RELN: variants seen among roughly 807,000 people sequenced by gnomAD.
RELN encodes reelin.
A neutral mutation model predicts 427.6 loss-of-function variants in RELN; 108 were observed. The ratio of observed to expected loss-of-function variants is 0.25; its 90% CI spans 0.22 to 0.30. The LOEUF is 0.30. Among genes scored for constraint, RELN ranks in the 10% least tolerant of loss-of-function variants. The pLI is 1.00. For synonymous variants in RELN, 1,524 were observed against 1,513.4 expected (o/e 1.01, Z -0.16); for missense variants, 3,715 against 4,302.8 (o/e 0.86, Z 3.82).
chr7:103,972,499 G>C (rs763821553), intron 1 of RELN, among the ~76,000 whole-genome samples: 1 of 152,186 alleles, frequency 6.6e-6, no homozygotes, highest in East Asian at 1.9e-4. Flanking sequence ...AGAGTAAATA[G>C]GTGTGGATGG....
chr7:103,683,771 A>T (rs562646135), intron 10 of RELN, among the ~76,000 whole-genome samples: 1 of 152,286 alleles, frequency 6.6e-6, no homozygotes, highest in African/African-American at 2.4e-5. Flanking sequence ...TAATAGACTG[A>T]CATATTACCA....
intron 3 of RELN, among the ~76,000 whole-genome samples, chr7:103,783,710 A>G (rs1330584735): frequency 6.6e-6 from 1 of 152,198 alleles, no homozygotes; most frequent in Non-Finnish European, 1.5e-5. Context: ...GAACATGCAG[A>G]TGAAATCCTT....
At chr7:103,875,507 C>G (rs1794457702) in intron 2 of RELN, among the ~76,000 whole-genome samples, 1 of 152,046 alleles carries the variant, frequency 6.6e-6, no homozygotes, top group South Asian at 2.1e-4. Flanking sequence ...TTTTGAAATA[C>G]TGGTCAAACA....
chr7:103,950,105 G>A (rs1796303945), intron 1 of RELN, among the ~76,000 whole-genome samples: 1 of 152,104 alleles, frequency 6.6e-6, no homozygotes, highest in African/African-American at 2.4e-5. Flanking sequence ...TTTATAGATG[G>A]GGCCTTCTCA....
chr7:103,731,507 C>T (rs1790353911), intron 6 of RELN, among the ~76,000 whole-genome samples: 1 of 152,038 alleles, frequency 6.6e-6, no homozygotes, highest in Non-Finnish European at 1.5e-5. Flanking sequence ...TTTATCTCCA[C>T]TTAGACGATG....
chr7:103,472,806 G>T lies in RELN; in HGVS notation c.*6C>A, dbSNP rs1586454871. ...TTGGAAGAAAAAAAATAAACTTTTTGATTCTTCATGGGTATCGCCTAAGTG... is the reference window on the plus strand; with the variant it reads ...TTGGAAGAAAAAAAATAAACTTTTTTATTCTTCATGGGTATCGCCTAAGTG... On this transcript the variant is annotated 3_prime_UTR_variant, in exon 65 of 65. Coordinates refer to ENST00000428762, the MANE Select transcript of RELN (RefSeq NM_005045.4). The T allele has an allele frequency of 6.2e-7, 1 of 1,607,250 alleles. No individual in the cohort carries two copies. The highest frequency in any genetic ancestry group is 2.2e-5 in the East Asian group (1 of 44,840).
chr7:103,777,147 C>T (rs892830949), intron 3 of RELN, among the ~76,000 whole-genome samples: 3 of 152,110 alleles, frequency 2.0e-5, no homozygotes, highest in African/African-American at 7.2e-5. Flanking sequence ...AATAAAATCA[C>T]ATGAAGGAGA....
rs1288897819 is a variant in RELN at position 103,472,773 on chromosome 7, A to G, written c.*39T>C. 1 of 1,450,102 alleles carries G rather than the reference A, an allele frequency of 6.9e-7. No homozygotes were observed. Among genetic ancestry groups the G allele is most frequent in the Non-Finnish European group, 9.7e-7 (1 of 1,030,946 alleles). 89.8% of individuals were successfully genotyped at this position (1,450,102 alleles called of 1,614,324 possible). A position where few individuals can be genotyped will look rare whatever the true frequency, so the allele number is the denominator to read the frequency against. ...GATTTAAAAGAATGGAGAGCAACACATCACATGTTGGAAGAAAAAAAATAA... is the reference window on the plus strand; with the variant it reads ...GATTTAAAAGAATGGAGAGCAACACGTCACATGTTGGAAGAAAAAAAATAA... On this transcript the variant is annotated 3_prime_UTR_variant, in exon 65 of 65. Transcript: ENST00000428762.
At chr7:103,571,134 T>A (rs1830873381) in intron 31 of RELN, among the ~76,000 whole-genome samples, 1 of 152,234 alleles carries the variant, frequency 6.6e-6, no homozygotes, top group Non-Finnish European at 1.5e-5. Context: ...AATGGAGAGC[T>A]GATGAACACA....
intron 3 of RELN, among the ~76,000 whole-genome samples, chr7:103,781,242 A>T (rs1249073171): frequency 1.3e-5 from 2 of 152,142 alleles, no homozygotes; most frequent in African/African-American, 4.8e-5. Context: ...TCAATATGGC[A>T]AGCCTATTTG....
In RELN at chr7:103,735,965, C is replaced by T. The variant is rs183316657; in HGVS notation, c.657-7758G>A. Among the ~76,000 whole-genome samples the T allele has an allele frequency of 5.3e-5, 8 of 152,164 alleles. No individual in the cohort carries two copies. In the East Asian group the frequency reaches 1.5e-3, roughly 29 times the overall value. Reference sequence around the variant, plus strand: ...CTGATTACTTAAAGTTCTTTAAAACCGAAAAAGGAAAAGAAAAGTTTCTTG... The same window carrying T: ...CTGATTACTTAAAGTTCTTTAAAACTGAAAAAGGAAAAGAAAAGTTTCTTG... On this transcript the variant is annotated intron_variant, in intron 6 of 64. Coordinates refer to ENST00000428762, the MANE Select transcript of RELN (RefSeq NM_005045.4).
chr7:103,819,042 G>T (rs941497650), intron 3 of RELN, among the ~76,000 whole-genome samples: 2 of 152,090 alleles, frequency 1.3e-5, no homozygotes, highest in African/African-American at 4.8e-5. Context: ...TTATCTCTGG[G>T]ATAGTGGAAA....
intron 20 of RELN, among the ~76,000 whole-genome samples, chr7:103,625,478 A>G (rs1832309209): frequency 1.3e-5 from 2 of 152,216 alleles, no homozygotes; most frequent in African/African-American, 4.8e-5. Context: ...TAGCTTCTAA[A>G]ATTCAAAAAA....
intron 8 of RELN, among the ~76,000 whole-genome samples, chr7:103,703,817 A>G (rs908223633): frequency 6.6e-6 from 1 of 152,208 alleles, no homozygotes; most frequent in Non-Finnish European, 1.5e-5. Context: ...CTATTAAGGT[A>G]TGGTCTGAGA....
At chr7:103,765,261 A>G (rs1360216641) in intron 4 of RELN, among the ~76,000 whole-genome samples, 2 of 152,234 alleles carry the variant, frequency 1.3e-5, no homozygotes, top group East Asian at 3.8e-4. Flanking sequence ...AAGGGCTCAG[A>G]GGAGATGAGA....
At chr7:103,665,878 C>G (rs1369683655) in intron 11 of RELN, among the ~76,000 whole-genome samples, 1 of 140,376 alleles carries the variant, frequency 7.1e-6, no homozygotes, top group Non-Finnish European at 1.6e-5. Context: ...CTCCGTGTCT[C>G]TCACTCTCTC....
At chr7:103,728,353 G>C (rs1310096531) in intron 6 of RELN, 146 bp from the exon 7 acceptor site, 1 of 764,616 alleles carries the variant, frequency 1.3e-6, no homozygotes, top group East Asian at 2.7e-5. Flanking sequence ...ATCATGATAA[G>C]GTTAAGAAGA....
At chr7:103,625,363 C>G (rs1832307034) in intron 20 of RELN, among the ~76,000 whole-genome samples, 1 of 152,202 alleles carries the variant, frequency 6.6e-6, no homozygotes. Flanking sequence ...TCTCCCTCAA[C>G]CAAATCTAGT....
At chr7:103,798,087 T>A (rs909705018) in intron 3 of RELN, among the ~76,000 whole-genome samples, 2 of 152,216 alleles carry the variant, frequency 1.3e-5, no homozygotes, top group Non-Finnish European at 1.5e-5. Context: ...GTTAGTTCCA[T>A]GTGAAGACAT....
Sources: allele counts gnomAD v4.1 joint callset (sites outside exome capture counted in the v4.1 genomes callset), GRCh38; gene constraint gnomAD v4.1.1; transcripts MANE v1.5; gene names NCBI Gene and HGNC (gene_info 2026-07-23, HGNC 2026-07-21).